TRPM6: variants seen among roughly 807,000 people sequenced by gnomAD.
The protein encoded by TRPM6 is transient receptor potential cation channel subfamily M member 6.
Under a neutral mutation model 247.6 loss-of-function variants are expected in TRPM6, and 111 were observed. That is an observed-to-expected ratio of 0.45 (90% CI 0.38 to 0.52). The LOEUF (loss-of-function observed/expected upper bound fraction) is 0.52. Ranked by LOEUF, TRPM6 falls within the 20% of genes least tolerant of loss-of-function variation. The pLI is 0.00. For synonymous variants in TRPM6, 892 were observed against 853.8 expected, an observed-to-expected ratio of 1.04 and a Z score of -0.78; for missense variants, 2,126 against 2,421.5, an observed-to-expected ratio of 0.88 and a Z score of 2.56.
intron 3 of TRPM6, among the ~76,000 whole-genome samples, chr9:74,852,128 C>T (rs66826639): frequency 0.08 from 12,205 of 151,730 alleles, 929 homozygotes; most frequent in African/African-American, 0.2. Context: ...AGAGCAAGAC[C>T]TTGCTTTTAA....
At chr9:74,811,151 C>A (rs1828716010) in intron 12 of TRPM6, among the ~76,000 whole-genome samples, 1 of 152,124 alleles carries the variant, frequency 6.6e-6, no homozygotes, top group South Asian at 2.1e-4. Context: ...TATCCTTTAT[C>A]ATACAATTAC....
chr9:74,747,299 G>C (rs1464122745), intron 31 of TRPM6, among the ~76,000 whole-genome samples: 1 of 152,146 alleles, frequency 6.6e-6, no homozygotes, highest in Admixed American at 6.5e-5. Context: ...TGAGGAGAAG[G>C]AATCAACTGC....
At chr9:74,763,196 T>C in intron 25 of TRPM6, 62 bp from the exon 26 acceptor site, 1 of 1,519,310 alleles carries the variant, frequency 6.6e-7, no homozygotes, top group South Asian at 1.1e-5. Flanking sequence ...TTTGCTCTCT[T>C]CCTACCCTAC....
intron 1 of TRPM6, among the ~76,000 whole-genome samples, chr9:74,884,031 C>T (rs1831448612): frequency 1.3e-5 from 2 of 152,162 alleles, no homozygotes; most frequent in African/African-American, 4.8e-5. Flanking sequence ...TGCCTGTAAT[C>T]CCAGCTACTT....
Position 74,796,823 on chromosome 9 carries a change from T to C in TRPM6, c.2309A>G (p.His770Arg). The C allele has an allele frequency of 6.2e-7, 1 of 1,613,922 alleles. No homozygotes were observed. Among genetic ancestry groups the C allele is most frequent in the Non-Finnish European group, 8.5e-7 (1 of 1,179,818 alleles). ...TTGGAAGTCCTGGGACTGGGGAACA[T>C]GTGACATCTCAGCTTTGCTTTTAAA... ...LEFKSKAEMSHVPQSQDFQFM... is the reference protein window; with the variant it reads ...LEFKSKAEMSRVPQSQDFQFM... Residue 770 changes from histidine to arginine, a missense_variant, in exon 18 of 39, where the codon CAT (histidine) becomes CGT (arginine). Physicochemically the swap from His to Arg is conservative, Grantham distance 29 (BLOSUM62 0). Around this residue, in one of 3 missense-constraint regions of TRPM6, gnomAD observed 1,082 missense variants for 1,307.9 expected, o/e 0.83. Coordinates refer to ENST00000360774, the MANE Select transcript of TRPM6 (RefSeq NM_017662.5).
chr9:74,775,743 G>GC, intron 24 of TRPM6, 140 bp downstream of exon 24: 2 of 874,144 alleles, frequency 2.3e-6, no homozygotes, highest in Non-Finnish European at 3.8e-6. Context: ...CTCAGACCCA[G>GC]AGCATCAGCT....
At chr9:74,801,804 T>C in intron 16 of TRPM6, 94 bp downstream of exon 16, 1 of 1,495,796 alleles carries the variant, frequency 6.7e-7, no homozygotes. Context: ...GGTAAGTCCA[T>C]TTGTCCTACA....
intron 7 of TRPM6, among the ~76,000 whole-genome samples, chr9:74,824,317 C>T (rs111969819): frequency 0.012 from 1,785 of 151,368 alleles, 42 homozygotes; most frequent in African/African-American, 0.041. Context: ...TGCCCGGCTG[C>T]TTTTTTGTAT....
At chr9:74,845,232 T>C (rs1587571422) in intron 3 of TRPM6, among the ~76,000 whole-genome samples, 1 of 152,356 alleles carries the variant, frequency 6.6e-6, no homozygotes, top group East Asian at 1.9e-4. Flanking sequence ...ACTTGCTTAA[T>C]GCAAGGTTCC....
At chr9:74,853,100 G>A (rs1830402913) in intron 3 of TRPM6, among the ~76,000 whole-genome samples, 1 of 151,604 alleles carries the variant, frequency 6.6e-6, no homozygotes, top group Non-Finnish European at 1.5e-5. Flanking sequence ...CTGCCCGGCC[G>A]CGACCCCGTC....
chr9:74,874,039 C>T (rs1450347059), intron 1 of TRPM6, among the ~76,000 whole-genome samples: 2 of 151,904 alleles, frequency 1.3e-5, no homozygotes, highest in Non-Finnish European at 2.9e-5. Context: ...GGTTCAAGAC[C>T]AGCCTGGACA....
rs1337056965 is a variant in TRPM6 at position 74,808,116 on chromosome 9, T to C, written c.1556A>G (p.Tyr519Cys). The C allele has an allele frequency of 3.7e-6, 6 of 1,614,014 alleles. No individual in the cohort carries two copies. The highest frequency in any genetic ancestry group is 5.1e-6 in the Non-Finnish European group (6 of 1,179,912). Residue 519 changes from tyrosine (Y) to cysteine (C), a missense_variant, in exon 14 of 39, where the codon TAC (tyrosine) becomes TGC (cysteine). Tyr to Cys is a radical substitution (Grantham distance 194). Coordinates refer to ENST00000360774, the MANE Select transcript of TRPM6 (RefSeq NM_017662.5). ...GCTGCGATATGCTCTACCAATGAGG[T>C]ATTCTACTACTAATCCAATGTCAAT... ...TLIDIGLVVE[Y>C]LIGRAYRSNY...
intron 3 of TRPM6, among the ~76,000 whole-genome samples, chr9:74,843,975 C>T (rs1254334461): frequency 6.6e-6 from 1 of 152,056 alleles, no homozygotes; most frequent in Non-Finnish European, 1.5e-5. Context: ...GGTCAATGAG[C>T]AGAAATATGT....
chr9:74,839,979 G>A (rs1366349702), intron 5 of TRPM6, 45 bp downstream of exon 5: 8 of 1,431,352 alleles, frequency 5.6e-6, no homozygotes, highest in East Asian at 4.6e-5. Flanking sequence ...GGGAGAGAGG[G>A]AGGGTGAAAG....
intron 25 of TRPM6, among the ~76,000 whole-genome samples, chr9:74,765,089 A>G (rs887193507): frequency 6.6e-6 from 1 of 152,236 alleles, no homozygotes; most frequent in Non-Finnish European, 1.5e-5. Context: ...TAAAGGAAAC[A>G]TAATCTTACT....
At chr9:74,782,244 TAATA>T (rs1166994866) in intron 23 of TRPM6, 114 bp downstream of exon 23, 1 of 719,516 alleles carries the variant, frequency 1.4e-6, no homozygotes, top group African/African-American at 1.8e-5. Flanking sequence ...AAAACAATAA[TAATA>T]AATATAGAAC....
At chr9:74,860,396 C>T (rs936227586) in intron 1 of TRPM6, among the ~76,000 whole-genome samples, 4 of 151,610 alleles carry the variant, frequency 2.6e-5, no homozygotes, top group African/African-American at 9.7e-5. Context: ...CCAGGCATTC[C>T]AGCCTGGCTC....
At chr9:74,781,965 T>C (rs1381689702) in intron 23 of TRPM6, among the ~76,000 whole-genome samples, 1 of 152,202 alleles carries the variant, frequency 6.6e-6, no homozygotes, top group East Asian at 1.9e-4. Flanking sequence ...CCCTCAACAA[T>C]ACAGTATAGC....
intron 13 of TRPM6, among the ~76,000 whole-genome samples, chr9:74,810,220 TATA>T (rs1828681584): frequency 6.6e-6 from 1 of 152,022 alleles, no homozygotes; most frequent in African/African-American, 2.4e-5. Context: ...GAAACTGAGG[TATA>T]AAAGTTTGTT....
Sources: allele counts gnomAD v4.1 joint callset (sites outside exome capture counted in the v4.1 genomes callset), GRCh38; gene constraint gnomAD v4.1.1; regional missense constraint gnomAD v4.1.1; transcripts MANE v1.5; gene names NCBI Gene and HGNC (gene_info 2026-07-23, HGNC 2026-07-21).